TRIT1: variants seen among roughly 807,000 people sequenced by gnomAD.
TRIT1 encodes tRNA dimethylallyltransferase.
TRIT1 carries 43 observed loss-of-function variants against 51.2 expected under a neutral mutation model. That is an observed-to-expected ratio of 0.84 (90% CI 0.66 to 1.08). The LOEUF (loss-of-function observed/expected upper bound fraction) is 1.08, where lower values mean the gene tolerates loss of function less well. Among genes scored for constraint, TRIT1 ranks in the 50% least tolerant of loss-of-function variants. The pLI is 0.00. For synonymous variants in TRIT1, 184 were observed against 203.9 expected (o/e 0.90, Z 0.83); for missense variants, 528 against 578.4 (o/e 0.91, Z 0.89).
rs372641987 is a variant in TRIT1, at chr1:39,866,019, AAAG to A, written c.175-8605_175-8603del. On this transcript the variant is annotated intron_variant, in intron 1 of 10. Coordinates refer to ENST00000316891, the MANE Select transcript of TRIT1 (RefSeq NM_017646.6). ...GGAGGAAAGAAAGGGAAGGAAAAGAAAAGAAAGAAAAGAAAAGAAAAGAAAAAG... is the reference window on the plus strand; with the variant it reads ...GGAGGAAAGAAAGGGAAGGAAAAGAAAAAGAAAAGAAAAGAAAAGAAAAAG... Among the ~76,000 whole-genome samples, 90 of 142,398 alleles carry A rather than the reference AAAG, an allele frequency of 6.3e-4. 1 individual carries two copies. Among genetic ancestry groups the A allele is most frequent in the South Asian group, 4.5e-3 (20 of 4,400 alleles). 93.4% of individuals were successfully genotyped at this position (142,398 alleles called of 152,430 possible).
chr1:39,853,028 G>A, intron 3 of TRIT1, 152 bp from the exon 4 acceptor site: 2 of 867,154 alleles, frequency 2.3e-6, no homozygotes, highest in Non-Finnish European at 3.5e-6. Context: ...AATATGCTGT[G>A]GTAAGTGCTA....
chr1:39,874,324 G>C (rs1210057972), intron 1 of TRIT1, among the ~76,000 whole-genome samples: 1 of 152,144 alleles, frequency 6.6e-6, no homozygotes, highest in African/African-American at 2.4e-5. Context: ...TAGATGCCAG[G>C]AACCCACCTC....
chr1:39,872,752 A>AACACACACACACAC lies in TRIT1; in HGVS notation c.174+10552_174+10565dup, dbSNP rs61554657. The stretch of plus-strand genomic sequence containing the variant: ...TTGTAATACCAGACAGGAAGTACTA[A>AACACACACACACAC]ACACACACACACACACACACACACA... On this transcript the variant is annotated intron_variant, in intron 1 of 10. Transcript: ENST00000316891. Among the ~76,000 whole-genome samples, 669 of 135,074 alleles carry AACACACACACACAC rather than the reference A, an allele frequency of 5.0e-3. 6 individuals carry two copies. Among genetic ancestry groups the AACACACACACACAC allele is most frequent in the East Asian group, 0.027 (124 of 4,570 alleles). 88.6% of individuals were successfully genotyped at this position (135,074 alleles called of 152,430 possible).
At chr1:39,866,552 A>G (rs1368317812) in intron 1 of TRIT1, among the ~76,000 whole-genome samples, 1 of 152,174 alleles carries the variant, frequency 6.6e-6, no homozygotes, top group African/African-American at 2.4e-5. Context: ...CTTTTTTTAA[A>G]CATAACTTCA....
In TRIT1 at chr1:39,841,641, A is replaced by AG. The variant is rs1484208734; in HGVS notation, c.*102dup. ...TGGTGGGAGCTTTTCTGCTATGCAG[A>AG]GAATTCCGCATAGCACTCCTTTGCC... On this transcript the variant is annotated 3_prime_UTR_variant, in exon 11 of 11. Transcript: ENST00000316891. 8.1e-7 allele frequency: 1 copy of AG among 1,227,838 alleles called. No homozygotes were observed. Among genetic ancestry groups the AG allele is most frequent in the Non-Finnish European group, 1.1e-6 (1 of 897,576 alleles). The allele number at this position is 1,227,838 out of a possible 1,614,324, so 76.1% of individuals were successfully genotyped here.
intron 1 of TRIT1, among the ~76,000 whole-genome samples, chr1:39,881,937 A>C (rs1215339833): frequency 6.6e-6 from 1 of 152,234 alleles, no homozygotes; most frequent in Non-Finnish European, 1.5e-5. Flanking sequence ...ACTAAAACTC[A>C]AGGGCAGAAA....
chr1:39,865,227 T>C (rs1200410251), intron 1 of TRIT1, among the ~76,000 whole-genome samples: 1 of 152,248 alleles, frequency 6.6e-6, no homozygotes, highest in Non-Finnish European at 1.5e-5. Context: ...AGGGCACCAT[T>C]CTTTCCAGGT....
chr1:39,868,110 A>AT (rs1049289286), intron 1 of TRIT1, among the ~76,000 whole-genome samples: 24 of 150,230 alleles, frequency 1.6e-4, no homozygotes, highest in Middle Eastern at 3.4e-3. Context: ...ATGCCTGGCT[A>AT]TTTTTTTTTG....
chr1:39,861,819 G>A (rs541074944), intron 1 of TRIT1, among the ~76,000 whole-genome samples: 1 of 151,830 alleles, frequency 6.6e-6, no homozygotes, highest in South Asian at 2.1e-4. Flanking sequence ...AGCTACTCAG[G>A]AGGCTGAGAC....
chr1:39,838,668 G>T lies in TRIT1; in HGVS notation c.*3076C>A, dbSNP rs1652465400. Among the ~76,000 whole-genome samples the T allele has an allele frequency of 6.6e-6, 1 of 152,112 alleles. No individual in the cohort carries two copies. Among genetic ancestry groups the T allele is most frequent in the Non-Finnish European group, 1.5e-5 (1 of 68,032 alleles). ...CATATATATATATGTAAGTATGTAT[G>T]TATGTATATATTTGTGCTGACTGGG... On this transcript the variant is annotated 3_prime_UTR_variant, in exon 11 of 11. Coordinates refer to ENST00000316891, the MANE Select transcript of TRIT1 (RefSeq NM_017646.6).
intron 1 of TRIT1, among the ~76,000 whole-genome samples, chr1:39,876,632 A>G (rs998691222): frequency 1.3e-5 from 2 of 151,952 alleles, no homozygotes; most frequent in African/African-American, 4.8e-5. Flanking sequence ...AGTCCTTCTA[A>G]AAGACTGCCT....
intron 9 of TRIT1, 64 bp from the exon 10 acceptor site, chr1:39,844,282 A>C: frequency 7.3e-7 from 1 of 1,370,120 alleles, no homozygotes; most frequent in Non-Finnish European, 1.0e-6. Context: ...TTCTCTATTA[A>C]GGGAAATGGG....
chr1:39,846,751 T>C (rs1158810702), intron 8 of TRIT1, among the ~76,000 whole-genome samples: 2 of 152,226 alleles, frequency 1.3e-5, no homozygotes, highest in Admixed American at 1.3e-4. Context: ...TCAAAAATGC[T>C]GTTCAACTAA....
intron 1 of TRIT1, among the ~76,000 whole-genome samples, chr1:39,866,276 G>C (rs1033563523): frequency 2.0e-5 from 3 of 152,068 alleles, no homozygotes; most frequent in African/African-American, 7.2e-5. Context: ...AGGTTCAAGC[G>C]ATTCTCCTAT....
chr1:39,868,920 C>T (rs1212022020), intron 1 of TRIT1, among the ~76,000 whole-genome samples: 1 of 152,012 alleles, frequency 6.6e-6, no homozygotes, highest in East Asian at 1.9e-4. Context: ...ATTAGCTGGG[C>T]GTGGTGGCAG....
At chr1:39,853,613 T>C (rs547510916) in intron 3 of TRIT1, among the ~76,000 whole-genome samples, 35 of 152,290 alleles carry the variant, frequency 2.3e-4, no homozygotes, top group Non-Finnish European at 3.8e-4. Flanking sequence ...GGTTTCACCA[T>C]GTTGGCCAGG....
intron 1 of TRIT1, among the ~76,000 whole-genome samples, chr1:39,872,338 C>G (rs1040417861): frequency 3.3e-5 from 5 of 152,084 alleles, no homozygotes; most frequent in Admixed American, 6.6e-5. Context: ...ACAAAAGGAG[C>G]TGATCTAAGT....
chr1:39,855,932 C>T (rs1642871041), intron 2 of TRIT1, among the ~76,000 whole-genome samples: 2 of 152,024 alleles, frequency 1.3e-5, no homozygotes, highest in Admixed American at 6.6e-5. Flanking sequence ...AATTCCAGCA[C>T]TTTGGGAGGC....
At chr1:39,864,105 C>T (rs996404042) in intron 1 of TRIT1, among the ~76,000 whole-genome samples, 6 of 151,866 alleles carry the variant, frequency 4.0e-5, no homozygotes, top group Non-Finnish European at 7.4e-5. Flanking sequence ...AGGCTGGTCT[C>T]GAACTCCTGA....
Sources: gnomAD v4.1 joint callset for allele counts (sites outside exome capture counted in the v4.1 genomes callset) on GRCh38, gnomAD v4.1.1 for gene constraint, MANE v1.5 for transcripts, NCBI Gene and HGNC (gene_info 2026-07-23, HGNC 2026-07-21) for gene names.